FOXP2: variants seen among roughly 807,000 people sequenced by gnomAD.
The protein encoded by FOXP2 is forkhead box P2.
FOXP2 carries 12 observed loss-of-function variants against 115.8 expected under a neutral mutation model. The observed-to-expected ratio is 0.10, with a 90% CI of 0.07 to 0.17. The LOEUF (loss-of-function observed/expected upper bound fraction) is 0.17. Among genes scored for constraint, FOXP2 ranks in the 10% least tolerant of loss-of-function variants. The pLI is 1.00. For synonymous variants in FOXP2, 328 were observed against 297.7 expected (o/e 1.10, Z -1.05); for missense variants, 629 against 843.5 (o/e 0.75, Z 3.15).
intron 1 of FOXP2, among the ~76,000 whole-genome samples, chr7:114,220,729 A>G (rs1794599862): frequency 6.6e-6 from 1 of 152,174 alleles, no homozygotes; most frequent in Admixed American, 6.5e-5. Context: ...TTTCATCACT[A>G]TTACCATATA....
At chr7:114,518,530 GGA>G (rs1195292455) in intron 2 of FOXP2, among the ~76,000 whole-genome samples, 1 of 150,366 alleles carries the variant, frequency 6.7e-6, no homozygotes, top group African/African-American at 2.4e-5. Context: ...TTTTTGAGAT[GGA>G]GTCTCTGTTG....
intron 1 of FOXP2, among the ~76,000 whole-genome samples, chr7:114,217,001 A>G (rs1311179676): frequency 2.0e-5 from 3 of 152,184 alleles, no homozygotes; most frequent in Admixed American, 1.3e-4. Context: ...TCAATTGGCA[A>G]CTACATTCAT....
At position 114,631,696 on chromosome 7, in the gene FOXP2, C is replaced by T. The variant is rs779846813; in HGVS notation, c.766C>T (p.Leu256=). The change falls in exon 6 of 17, where the codon CTG becomes TTG. Residue 256 remains leucine, a synonymous_variant. Transcript: ENST00000350908. ...CCAGGCAGCACTTCCTGTCCAATCG[C>T]TGCCTCAAGGTACATACAAAATGTT... ...PGQAALPVQS[L]PQAGLSPAEI... 19 of 1,613,968 alleles carry T rather than the reference C, an allele frequency of 1.2e-5. No individual in the cohort carries two copies. The highest frequency in any genetic ancestry group is 4.0e-5 in the African/African-American group (3 of 74,946).
chr7:114,251,182 CTGT>C (rs201381538), intron 1 of FOXP2, among the ~76,000 whole-genome samples: 5,898 of 152,202 alleles, frequency 0.039, 154 homozygotes, highest in Middle Eastern at 0.088. Flanking sequence ...CAGTACCATG[CTGT>C]TTTGGTTACT....
At chr7:114,156,277 A>G (rs1198287409) in intron 1 of FOXP2, among the ~76,000 whole-genome samples, 1 of 151,922 alleles carries the variant, frequency 6.6e-6, no homozygotes, top group Non-Finnish European at 1.5e-5. Context: ...GTTGCCTGAC[A>G]TTTTTGGTGT....
chr7:114,447,423 C>G (rs1794882670), intron 2 of FOXP2, among the ~76,000 whole-genome samples: 1 of 152,122 alleles, frequency 6.6e-6, no homozygotes, highest in African/African-American at 2.4e-5. Flanking sequence ...TAGAGTTTCC[C>G]ATGACTGGGC....
At chr7:114,688,516 A>G (rs1054227467) in intron 16 of FOXP2, among the ~76,000 whole-genome samples, 1 of 152,186 alleles carries the variant, frequency 6.6e-6, no homozygotes, top group South Asian at 2.1e-4. Context: ...TGCAAAAACT[A>G]CTTGATAAGG....
At chr7:114,657,929 G>A (rs1222726941) in intron 10 of FOXP2, 137 bp from the exon 11 acceptor site, 4 of 843,006 alleles carry the variant, frequency 4.7e-6, no homozygotes, top group Admixed American at 4.0e-5. Flanking sequence ...GTAATTAGTT[G>A]AGATTGGCTG....
In FOXP2 at chr7:114,096,082, G is replaced by A. The variant is rs117884267; in HGVS notation, c.-247+8244G>A. 5.5e-3 allele frequency among the ~76,000 whole-genome samples: 835 copies of A among 152,162 alleles called. 3 individuals are homozygous for A. Among genetic ancestry groups the A allele is most frequent in the Non-Finnish European group, 9.2e-3 (624 of 68,018 alleles). ...ACTTTGCTTTCCCAGTCCCCATCAC[G>A]TGACATATACATCATGCAACATATA... On this transcript the variant is annotated intron_variant, in intron 1 of 19. Transcript: ENST00000635638.
intron 2 of FOXP2, among the ~76,000 whole-genome samples, chr7:114,486,474 C>T (rs1796779979): frequency 6.6e-6 from 1 of 152,040 alleles, no homozygotes; most frequent in Non-Finnish European, 1.5e-5. Flanking sequence ...CATTCCACCC[C>T]TGGCCCCTCC....
chr7:114,543,592 C>G (rs1044484297), intron 3 of FOXP2, among the ~76,000 whole-genome samples: 3 of 152,140 alleles, frequency 2.0e-5, no homozygotes, highest in Admixed American at 6.6e-5. Context: ...AGGTAGATAA[C>G]AGCAAAGCTA....
intron 1 of FOXP2, among the ~76,000 whole-genome samples, chr7:114,286,933 G>C (rs1473942400): frequency 6.6e-6 from 1 of 151,994 alleles, no homozygotes; most frequent in East Asian, 1.9e-4. Flanking sequence ...AAAGTGTTTA[G>C]AAATGATTTC....
intron 1 of FOXP2, among the ~76,000 whole-genome samples, chr7:114,099,180 C>T (rs1799718427): frequency 6.6e-6 from 1 of 151,980 alleles, no homozygotes; most frequent in Non-Finnish European, 1.5e-5. Context: ...TACAACTCAA[C>T]AGTAGAGAAA....
At chr7:114,246,818 A>G (rs1175671037) in intron 1 of FOXP2, among the ~76,000 whole-genome samples, 2 of 152,124 alleles carry the variant, frequency 1.3e-5, no homozygotes, top group Admixed American at 1.3e-4. Flanking sequence ...CCTTTTGTAA[A>G]GGTATGCAGA....
At chr7:114,180,701 C>T (rs1793433073) in intron 1 of FOXP2, among the ~76,000 whole-genome samples, 1 of 151,914 alleles carries the variant, frequency 6.6e-6, no homozygotes, top group Non-Finnish European at 1.5e-5. Context: ...GGTCATCCTT[C>T]ACATCTCCCT....
chr7:114,674,164 A>G (rs988132600), intron 16 of FOXP2, among the ~76,000 whole-genome samples: 5 of 152,266 alleles, frequency 3.3e-5, no homozygotes, highest in African/African-American at 4.8e-5. Context: ...TTTGCCATCA[A>G]TGTAAGTGGC....
At chr7:114,445,858 T>C (rs1794812113) in intron 2 of FOXP2, among the ~76,000 whole-genome samples, 1 of 152,104 alleles carries the variant, frequency 6.6e-6, no homozygotes, top group Non-Finnish European at 1.5e-5. Flanking sequence ...ATTAAGTGCA[T>C]GATACTCTAT....
intron 2 of FOXP2, among the ~76,000 whole-genome samples, chr7:114,375,593 C>A (rs1792119208): frequency 6.6e-6 from 1 of 152,136 alleles, no homozygotes; most frequent in South Asian, 2.1e-4. Flanking sequence ...AGTATTTGGG[C>A]AGACCTCAGT....
chr7:114,677,008 T>C (rs1392344371), intron 16 of FOXP2, among the ~76,000 whole-genome samples: 3 of 151,634 alleles, frequency 2.0e-5, no homozygotes, highest in Non-Finnish European at 2.9e-5. Context: ...CTACTAAAAA[T>C]ACAAAAAATT....
Sources: gnomAD v4.1 joint callset for allele counts (sites outside exome capture counted in the v4.1 genomes callset) on GRCh38, gnomAD v4.1.1 for gene constraint, MANE v1.5 for transcripts, NCBI Gene and HGNC (gene_info 2026-07-23, HGNC 2026-07-21) for gene names.